The following GEM variants were observed in gnomAD, a reference collection of about 807,000 sequenced individuals.
The protein encoded by GEM is GTP-binding protein GEM.
Under a neutral mutation model 33.0 loss-of-function variants are expected in GEM, and 31 were observed. That is an observed-to-expected ratio of 0.94 (90% CI 0.71 to 1.27). The LOEUF (loss-of-function observed/expected upper bound fraction) is 1.27. GEM is among the 50% of genes most tolerant of loss of function. The pLI is 0.00. For synonymous variants in GEM, 141 were observed against 143.7 expected, an observed-to-expected ratio of 0.98 and a Z score of 0.13; for missense variants, 354 against 390.5, an observed-to-expected ratio of 0.91 and a Z score of 0.79.
chr8:94,251,983 C>A (rs184367284), intron 4 of GEM, 36 bp downstream of exon 4: 3 of 1,461,668 alleles, frequency 2.1e-6, no homozygotes, highest in Admixed American at 1.7e-5. Flanking sequence ...TGTGATCCAG[C>A]GATTGTTTCT....
chr8:94,250,935 T>C (rs999223568), intron 4 of GEM, among the ~76,000 whole-genome samples: 1 of 152,188 alleles, frequency 6.6e-6, no homozygotes, highest in Admixed American at 6.5e-5. Flanking sequence ...ATAAACACTG[T>C]TTTCAATGTC....
intron 2 of GEM, among the ~76,000 whole-genome samples, chr8:94,254,084 G>A (rs867567453): frequency 2.0e-5 from 3 of 152,028 alleles, no homozygotes; most frequent in Admixed American, 2.0e-4. Context: ...TCCCTCTGGG[G>A]GAGGTGCTTC....
chr8:94,256,503 G>A (rs1000699755), intron 2 of GEM, among the ~76,000 whole-genome samples: 4 of 152,232 alleles, frequency 2.6e-5, no homozygotes, highest in South Asian at 2.1e-4. Flanking sequence ...TGTGAAACCC[G>A]CCCAAGTGTT....
At position 94,256,643 on chromosome 8, in the gene GEM, G is replaced by C. The variant is rs1442588705; in HGVS notation, c.331+3530C>G. ...GATCCCAAGGAACCTCAGAAGAAAT[G>C]CCTGCTCTACAAATACTGTCCTCTA... On this transcript the variant is annotated intron_variant, in intron 2 of 4. Transcript: ENST00000297596. Among the ~76,000 whole-genome samples, 2 of 152,140 alleles carry C rather than the reference G, an allele frequency of 1.3e-5. 1 individual carries two copies. The highest frequency in any genetic ancestry group is 1.3e-4 in the Admixed American group (2 of 15,270).
At chr8:94,259,114 A>C (rs544203547) in intron 2 of GEM, among the ~76,000 whole-genome samples, 1 of 152,332 alleles carries the variant, frequency 6.6e-6, no homozygotes, top group Admixed American at 6.5e-5. Flanking sequence ...ATGTTACAAC[A>C]ATGAGTCATT....
chr8:94,251,948 G>C, intron 4 of GEM, 71 bp downstream of exon 4: 1 of 1,167,858 alleles, frequency 8.6e-7, no homozygotes, highest in South Asian at 1.2e-5. Flanking sequence ...AAGGAGGGAA[G>C]AACCCGTGTC....
intron 2 of GEM, among the ~76,000 whole-genome samples, chr8:94,258,588 C>T (rs1165859613): frequency 1.3e-5 from 2 of 152,164 alleles, no homozygotes; most frequent in Non-Finnish European, 2.9e-5. Context: ...AGATTTGAAT[C>T]CTGGTCATAC....
chr8:94,249,378 C>T lies in GEM; in HGVS notation c.*932G>A, dbSNP rs775136620. 1.3e-5 allele frequency: 2 copies of T among 151,912 alleles called. No homozygotes were observed. Among genetic ancestry groups the T allele is most frequent in the Non-Finnish European group, 1.5e-5 (1 of 67,984 alleles). The allele number at this position is 151,912 out of a possible 1,614,324, so 9.4% of individuals were successfully genotyped here. On this transcript the variant is annotated 3_prime_UTR_variant, in exon 5 of 5. Coordinates refer to ENST00000297596, the MANE Select transcript of GEM (RefSeq NM_005261.4). ...ATTAAGAAATATGTTCATAAATATG[C>T]TTTATCAAATGTTAAAATGGTTATT...
rs3779686 is a variant in GEM at position 94,261,503 on chromosome 8, C to T, written c.-10+587G>A. On this transcript the variant is annotated intron_variant, in intron 1 of 4. Coordinates refer to ENST00000297596, the MANE Select transcript of GEM (RefSeq NM_005261.4). ...TAGCTGGGACTACAGACCTGCACTA[C>T]CACGTCCACTAGTTTTTTTATTTTT... Among the ~76,000 whole-genome samples the T allele has an allele frequency of 7.7e-4, 118 of 152,296 alleles. 3 individuals are homozygous for T. The East Asian group carries it at 0.019, about 24-fold the overall frequency.
At chr8:94,260,654 G>T in intron 1 of GEM, 142 bp from the exon 2 acceptor site, 8 of 600,136 alleles carry the variant, frequency 1.3e-5, no homozygotes, top group Middle Eastern at 8.8e-4. Context: ...CAATTAAACA[G>T]TCCCCCAAAC....
At chr8:94,255,031 CAG>C (rs144060124) in intron 2 of GEM, among the ~76,000 whole-genome samples, 3 of 152,288 alleles carry the variant, frequency 2.0e-5, no homozygotes, top group African/African-American at 7.2e-5. Flanking sequence ...CTGAGCAGCA[CAG>C]AACGGGGATG....
chr8:94,260,135 C>A, intron 2 of GEM, 38 bp downstream of exon 2: 1 of 1,360,800 alleles, frequency 7.3e-7, no homozygotes, highest in Admixed American at 1.7e-5. Context: ...CTGGGCCACC[C>A]CTGGTGGAAA....
At chr8:94,255,166 G>A (rs979602269) in intron 2 of GEM, among the ~76,000 whole-genome samples, 2 of 152,092 alleles carry the variant, frequency 1.3e-5, no homozygotes, top group Non-Finnish European at 2.9e-5. Context: ...CAGGGGACTC[G>A]CTTGAGTGCC....
Position 94,250,432 on chromosome 8 carries a change from T to A in GEM, c.769A>T (p.Lys257Ter). ...EKNERRLAYQ[K>*]RKESMPRKAR... is the part of the protein sequence containing the mutation. ...TTCCTGGGCATGCTCTCCTTCCTTT[T>A]CTGGTAGGCCAGCCGCCGTTCATTC... Residue 257 changes from lysine (K) to a stop codon, truncating the protein, a stop_gained, in exon 5 of 5, where the codon AAA becomes TAA. Coordinates refer to ENST00000297596, the MANE Select transcript of GEM (RefSeq NM_005261.4). LOFTEE classifies it high-confidence loss of function. The A allele has an allele frequency of 6.2e-7, 1 of 1,614,206 alleles. No homozygotes were observed. Among genetic ancestry groups the A allele is most frequent in the Non-Finnish European group, 8.5e-7 (1 of 1,180,024 alleles).
intron 2 of GEM, among the ~76,000 whole-genome samples, chr8:94,258,021 A>C (rs1453097803): frequency 2.0e-5 from 3 of 152,004 alleles, no homozygotes; most frequent in Non-Finnish European, 4.4e-5. Flanking sequence ...GTGTCTTTTC[A>C]TGGTCCCCTG....
rs754873278 is a variant in GEM, at chr8:94,260,298, G to C, written c.206C>G (p.Ser69Cys). The C allele has an allele frequency of 3.1e-6, 5 of 1,614,074 alleles. No homozygotes were observed. In the African/African-American group the frequency reaches 4.0e-5, roughly 13 times the overall value. The change falls in exon 2 of 5, where the codon TCT becomes TGT. Residue 69 changes from serine to cysteine, a missense_variant. Coordinates refer to ENST00000297596, the MANE Select transcript of GEM (RefSeq NM_005261.4). ...SSDSTDSVIS[S>C]ESGNTYYRVV... ...TCGGTAGTAGGTGTTCCCTGACTCA[G>C]AGGAGATGACTGAGTCTGTGGAGTC...
intron 2 of GEM, among the ~76,000 whole-genome samples, chr8:94,257,840 T>G (rs887512651): frequency 6.6e-6 from 1 of 152,012 alleles, no homozygotes; most frequent in African/African-American, 2.4e-5. Context: ...ATGTCGATTT[T>G]TTTTCTTACA....
intron 3 of GEM, 97 bp downstream of exon 3, chr8:94,252,939 G>A (rs772066874): frequency 5.8e-6 from 4 of 691,572 alleles, no homozygotes; most frequent in Non-Finnish European, 1.0e-5. Context: ...CACCTCATCT[G>A]GAACACCTAC....
Position 94,260,386 on chromosome 8 carries a change from A to G in GEM, c.118T>C (p.Tyr40His). ...GCAGAATGGCGGTTGCGGTGGCTGT[A>G]CTGGTGGGGCTCTTTCTGGACCATC... is the stretch of plus-strand genomic sequence containing the variant. Reference protein sequence around the residue: ...HLMVQKEPHQYSHRNRHSATP... With the variant: ...HLMVQKEPHQHSHRNRHSATP... Residue 40 changes from tyrosine to histidine, a missense_variant, in exon 2 of 5, where the codon TAC becomes CAC. By Grantham distance (83) the Tyr-to-His change is moderately conservative. Transcript: ENST00000297596. 1 of 1,614,012 alleles carries G rather than the reference A, an allele frequency of 6.2e-7. No individual in the cohort carries two copies. The highest frequency in any genetic ancestry group is 8.5e-7 in the Non-Finnish European group (1 of 1,179,976).
Sources: allele counts gnomAD v4.1 joint callset (sites outside exome capture counted in the v4.1 genomes callset), GRCh38; gene constraint gnomAD v4.1.1; transcripts MANE v1.5; gene names NCBI Gene and HGNC (gene_info 2026-07-23, HGNC 2026-07-21).